FXR1: variants seen among roughly 807,000 people sequenced by gnomAD.
FXR1 encodes RNA-binding protein FXR1.
In FXR1, 15 loss-of-function variants were observed where a neutral mutation model predicts 84.0. That is an observed-to-expected ratio of 0.18 (90% CI 0.12 to 0.27). The LOEUF (loss-of-function observed/expected upper bound fraction) is 0.27, where lower values mean the gene tolerates loss of function less well. Among genes scored for constraint, FXR1 ranks in the 10% least tolerant of loss-of-function variants. The pLI is 1.00. For synonymous variants in FXR1, 245 were observed against 250.7 expected (o/e 0.98, Z 0.21); for missense variants, 480 against 774.4 (o/e 0.62, Z 4.51).
intron 1 of FXR1, among the ~76,000 whole-genome samples, chr3:180,923,214 T>A (rs879130277): frequency 6.6e-6 from 1 of 152,214 alleles, no homozygotes; most frequent in Non-Finnish European, 1.5e-5. Flanking sequence ...TGTATCTCCC[T>A]CACTTCTAGG....
intron 3 of FXR1, among the ~76,000 whole-genome samples, chr3:180,945,615 C>T (rs1576949566): frequency 6.6e-6 from 1 of 152,166 alleles, no homozygotes; most frequent in Non-Finnish European, 1.5e-5. Context: ...ATCATGTTGT[C>T]CAGGGTGGTC....
At chr3:180,922,337 T>C (rs1294767584) in intron 1 of FXR1, among the ~76,000 whole-genome samples, 2 of 152,202 alleles carry the variant, frequency 1.3e-5, no homozygotes, top group African/African-American at 4.8e-5. Context: ...GGCTTTATGA[T>C]CTTTAATTTT....
rs747157781 is a variant in FXR1, at chr3:180,970,276, T to C, written c.1521T>C (p.Arg507=). The C allele has an allele frequency of 6.2e-6, 10 of 1,604,118 alleles. No homozygotes were observed. The highest frequency in any genetic ancestry group is 7.7e-6 in the Non-Finnish European group (9 of 1,171,632). ...HHSTNRRRRS[R]RRRTDEDAVL... is the part of the protein sequence containing the mutation. ...GTACTAACCGTCGTAGGCGGTCTCG[T>C]AGACGAAGGACTGATGAAGATGCTG... The change falls in exon 15 of 17, where the codon CGT becomes CGC. Residue 507 remains arginine (R), a synonymous_variant. Transcript: ENST00000357559.
chr3:180,919,960 C>T (rs1193615931), intron 1 of FXR1, among the ~76,000 whole-genome samples: 14 of 152,216 alleles, frequency 9.2e-5, no homozygotes, highest in Admixed American at 9.2e-4. Flanking sequence ...GCCACTACCT[C>T]CTTCTTTTAA....
At chr3:180,938,734 G>A (rs776552428) in intron 3 of FXR1, among the ~76,000 whole-genome samples, 8 of 152,082 alleles carry the variant, frequency 5.3e-5, no homozygotes, top group East Asian at 1.9e-4. Flanking sequence ...TTTCAGTAGC[G>A]ACGGGGTTTC....
intron 3 of FXR1, among the ~76,000 whole-genome samples, chr3:180,941,918 T>C (rs948305259): frequency 2.0e-5 from 3 of 152,198 alleles, no homozygotes; most frequent in Non-Finnish European, 4.4e-5. Context: ...ATAGCAGTAC[T>C]CAATAAATGT....
chr3:180,928,834 T>C (rs550983953), intron 1 of FXR1, among the ~76,000 whole-genome samples: 55 of 152,336 alleles, frequency 3.6e-4, no homozygotes, highest in African/African-American at 1.3e-3. Flanking sequence ...CTTTTGAAAT[T>C]AGTTCTTCGG....
At chr3:180,967,481 A>C (rs1425727554) in intron 13 of FXR1, among the ~76,000 whole-genome samples, 2 of 152,254 alleles carry the variant, frequency 1.3e-5, no homozygotes, top group East Asian at 3.9e-4. Context: ...TTGTACTAAT[A>C]ATTTAGGTTA....
At chr3:180,967,306 A>G (rs920230398) in intron 13 of FXR1, among the ~76,000 whole-genome samples, 5 of 152,320 alleles carry the variant, frequency 3.3e-5, no homozygotes, top group African/African-American at 4.8e-5. Context: ...CTTCTAGCTT[A>G]TAATAAAGAT....
At chr3:180,953,200 T>C (rs1044435293) in intron 8 of FXR1, among the ~76,000 whole-genome samples, 2 of 152,222 alleles carry the variant, frequency 1.3e-5, no homozygotes, top group African/African-American at 4.8e-5. Flanking sequence ...TATTGAGAAG[T>C]AGAAAGTCTG....
intron 1 of FXR1, among the ~76,000 whole-genome samples, chr3:180,920,493 C>T (rs1348146446): frequency 1.3e-5 from 2 of 150,420 alleles, no homozygotes; most frequent in African/African-American, 4.9e-5. Flanking sequence ...AACTCTGCAA[C>T]GAGAAAGTCA....
rs1719534723 is a variant in FXR1, at chr3:180,928,762, TTGC to T, written c.52-4567_52-4565del. Reference sequence around the variant, plus strand: ...GAAGGCTAATGGATTGTTAGTTAACTTGCTGCTTAAGTGGATCTTTGACTAGAA... The same window carrying T: ...GAAGGCTAATGGATTGTTAGTTAACTTGCTTAAGTGGATCTTTGACTAGAA... On this transcript the variant is annotated intron_variant, in intron 1 of 16. Coordinates refer to ENST00000357559, the MANE Select transcript of FXR1 (RefSeq NM_005087.4). Among the ~76,000 whole-genome samples the T allele has an allele frequency of 2.0e-5, 3 of 152,274 alleles. No individual in the cohort carries two copies. In the South Asian group the frequency reaches 6.2e-4, roughly 32 times the overall value.
intron 13 of FXR1, among the ~76,000 whole-genome samples, chr3:180,963,777 C>A (rs1712443528): frequency 6.6e-6 from 1 of 152,138 alleles, no homozygotes; most frequent in South Asian, 2.1e-4. Context: ...ATTCTCTAAT[C>A]CTAAATTCTC....
chr3:180,931,348 A>ACAGGCAGCT (rs1560169220), intron 1 of FXR1, among the ~76,000 whole-genome samples: 1 of 151,852 alleles, frequency 6.6e-6, no homozygotes, highest in African/African-American at 2.4e-5. Context: ...CCTCCCGAGT[A>ACAGGCAGCT]GCTGGGATTA....
At chr3:180,970,013 T>C in intron 14 of FXR1, 145 bp from the exon 15 acceptor site, 2 of 477,330 alleles carry the variant, frequency 4.2e-6, no homozygotes, top group Middle Eastern at 5.4e-4. Context: ...AGGTAAATAA[T>C]ATTGAAAACA....
chr3:180,951,155 T>G, intron 7 of FXR1, 143 bp from the exon 8 acceptor site: 1 of 580,322 alleles, frequency 1.7e-6, no homozygotes, highest in Non-Finnish European at 3.1e-6. Context: ...CCCAGGAGAT[T>G]GAGTTGGCAG....
At chr3:180,968,362 C>T (rs1713104943) in intron 14 of FXR1, 108 bp downstream of exon 14, 1 of 728,542 alleles carries the variant, frequency 1.4e-6, no homozygotes, top group Non-Finnish European at 2.4e-6. Flanking sequence ...TCTCTTGCTA[C>T]TCATTGTCTT....
At position 180,980,904 on chromosome 3, in the gene FXR1, C is replaced by T. The variant is rs1156990989; in HGVS notation, c.*4612C>T. On this transcript the variant is annotated 3_prime_UTR_variant, in exon 17 of 17. Coordinates refer to ENST00000357559, the MANE Select transcript of FXR1 (RefSeq NM_005087.4). ...CCAGGATACTTTACATAACCAAAAA[C>T]CTAGGAGAGCATTCTACATTGTAAT... 6.6e-6 allele frequency: 1 copy of T among 151,830 alleles called. No individual in the cohort carries two copies. Among genetic ancestry groups the T allele is most frequent in the Admixed American group, 6.6e-5 (1 of 15,242 alleles). The allele number at this position is 151,830 out of a possible 1,614,324, so 9.4% of individuals were successfully genotyped here.
chr3:180,952,497 C>T (rs1016431305), intron 8 of FXR1, among the ~76,000 whole-genome samples: 3 of 151,796 alleles, frequency 2.0e-5, no homozygotes, highest in African/African-American at 4.8e-5. Flanking sequence ...TGAGAGGCTG[C>T]AGTGAGCTAT....
Sources: gnomAD v4.1 joint callset for allele counts (sites outside exome capture counted in the v4.1 genomes callset) on GRCh38, gnomAD v4.1.1 for gene constraint, MANE v1.5 for transcripts, NCBI Gene and HGNC (gene_info 2026-07-23, HGNC 2026-07-21) for gene names.